SCLT1: variants seen among roughly 807,000 people sequenced by gnomAD.
The protein encoded by SCLT1 is sodium channel and clathrin linker 1, also known as sodium channel-associated protein 1.
SCLT1 carries 78 observed loss-of-function variants against 112.8 expected under a neutral mutation model. The ratio of observed to expected loss-of-function variants is 0.69; its 90% confidence interval spans 0.58 to 0.83. The LOEUF (loss-of-function observed/expected upper bound fraction) is 0.83, where lower values mean the gene tolerates loss of function less well. Among genes scored for constraint, SCLT1 ranks in the 40% least tolerant of loss-of-function variants. The pLI is 0.00. For synonymous variants in SCLT1, 257 were observed against 254.7 expected (o/e 1.01, Z -0.09); for missense variants, 747 against 770.4 (o/e 0.97, Z 0.36).
chr4:128,987,915 A>G (rs1182593084), intron 9 of SCLT1, among the ~76,000 whole-genome samples: 2 of 152,152 alleles, frequency 1.3e-5, no homozygotes, highest in African/African-American at 4.8e-5. Context: ...GGTCAAGGAT[A>G]AAGGATCTTA....
intron 9 of SCLT1, among the ~76,000 whole-genome samples, chr4:128,988,373 T>C (rs1742277908): frequency 6.6e-6 from 1 of 152,084 alleles, no homozygotes; most frequent in South Asian, 2.1e-4. Flanking sequence ...TTTTAAATTC[T>C]CTTTGCTTAT....
At chr4:129,035,070 C>T (rs1360444109) in intron 5 of SCLT1, among the ~76,000 whole-genome samples, 2 of 152,088 alleles carry the variant, frequency 1.3e-5, no homozygotes, top group African/African-American at 4.8e-5. Context: ...AATCACTCAA[C>T]GGTTGTGAAT....
At chr4:128,961,023 TTTG>T (rs1560896801) in intron 11 of SCLT1, among the ~76,000 whole-genome samples, 3 of 151,976 alleles carry the variant, frequency 2.0e-5, no homozygotes, top group African/African-American at 7.2e-5. Flanking sequence ...AATCTACTTT[TTTG>T]TTGTTGTTGC....
chr4:129,077,059 C>T lies in SCLT1; in HGVS notation c.102+5247G>A, dbSNP rs188598967. 1.2e-3 allele frequency among the ~76,000 whole-genome samples: 184 copies of T among 152,084 alleles called. 1 individual carries two copies. The highest frequency in any genetic ancestry group is 4.0e-3 in the African/African-American group (165 of 41,520). ...TTTCAGCCTATGTCCACAAAATTTA[C>T]GTAAAGTATAGTTAGCTACCATAAA... is the stretch of plus-strand genomic sequence containing the variant. On this transcript the variant is annotated intron_variant, in intron 2 of 20. Transcript: ENST00000281142.
At chr4:129,028,146 T>C (rs899517596) in intron 5 of SCLT1, among the ~76,000 whole-genome samples, 48 of 152,286 alleles carry the variant, frequency 3.2e-4, no homozygotes, top group African/African-American at 1.1e-3. Context: ...AAGCTACCAA[T>C]GACTTTCTTC....
intron 9 of SCLT1, chr4:128,972,489 T>C (rs1740778680): frequency 6.6e-6 from 1 of 150,740 alleles, no homozygotes; most frequent in African/African-American, 2.4e-5. Flanking sequence ...TGGAGAACAC[T>C]ACAGGCAGGG....
intron 18 of SCLT1, among the ~76,000 whole-genome samples, chr4:128,927,258 T>A (rs1449700219): frequency 6.6e-6 from 1 of 152,058 alleles, no homozygotes; most frequent in Non-Finnish European, 1.5e-5. Flanking sequence ...ATACATAACA[T>A]GTAGATTAAA....
intron 2 of SCLT1, among the ~76,000 whole-genome samples, chr4:129,077,092 T>C (rs1430331083): frequency 6.6e-6 from 1 of 152,132 alleles, no homozygotes; most frequent in Non-Finnish European, 1.5e-5. Flanking sequence ...AAAGGTAACA[T>C]AGTCCCCTAA....
At chr4:128,900,903 G>A (rs1734230380) in intron 18 of SCLT1, among the ~76,000 whole-genome samples, 1 of 152,076 alleles carries the variant, frequency 6.6e-6, no homozygotes, top group Non-Finnish European at 1.5e-5. Flanking sequence ...CATTTATGCA[G>A]CCAAAAGACA....
chr4:128,958,229 G>T (rs1739374635), intron 12 of SCLT1, among the ~76,000 whole-genome samples: 1 of 152,102 alleles, frequency 6.6e-6, no homozygotes, highest in Non-Finnish European at 1.5e-5. Flanking sequence ...TGTAAAAATT[G>T]TTTTTTAAGA....
chr4:128,893,887 A>T (rs1203880635), intron 18 of SCLT1, among the ~76,000 whole-genome samples: 1 of 152,116 alleles, frequency 6.6e-6, no homozygotes, highest in African/African-American at 2.4e-5. Flanking sequence ...AACAGAAATT[A>T]AAAAAATAAG....
At chr4:128,988,664 A>G (rs999506433) in intron 9 of SCLT1, among the ~76,000 whole-genome samples, 17 of 151,938 alleles carry the variant, frequency 1.1e-4, no homozygotes, top group African/African-American at 4.1e-4. Flanking sequence ...ACTGGACTAA[A>G]TTCTCCAATA....
intron 2 of SCLT1, among the ~76,000 whole-genome samples, chr4:129,073,256 C>T (rs1485627525): frequency 6.6e-6 from 1 of 152,096 alleles, no homozygotes; most frequent in Non-Finnish European, 1.5e-5. Context: ...CTTGGATTTC[C>T]TGACTTATTC....
At chr4:129,050,970 A>G (rs1476322205) in intron 2 of SCLT1, among the ~76,000 whole-genome samples, 1 of 152,166 alleles carries the variant, frequency 6.6e-6, no homozygotes, top group East Asian at 1.9e-4. Flanking sequence ...AGCACCATTA[A>G]TTAAATAGGG....
Position 129,093,051 on chromosome 4 carries a change from A to T in SCLT1, c.34+19T>A. The T allele has an allele frequency of 6.3e-7, 1 of 1,589,288 alleles. No individual in the cohort carries two copies. Among genetic ancestry groups the T allele is most frequent in the Non-Finnish European group, 8.6e-7 (1 of 1,157,336 alleles). On this transcript the variant is annotated intron_variant, in intron 1 of 20. Transcript: ENST00000281142. ...TATTAAACATTGTATATGAAGTCTC[A>T]AAAAAACATGGAGCTTACTTTGCTC... is the stretch of plus-strand genomic sequence containing the variant.
At chr4:128,989,517 A>ATATTG (rs1742378413) in intron 9 of SCLT1, among the ~76,000 whole-genome samples, 1 of 151,918 alleles carries the variant, frequency 6.6e-6, no homozygotes, top group Admixed American at 6.6e-5. Flanking sequence ...CCTCCATCAA[A>ATATTG]AAGTAGAAAA....
At chr4:129,011,301 G>A (rs1744498423) in intron 5 of SCLT1, among the ~76,000 whole-genome samples, 1 of 152,158 alleles carries the variant, frequency 6.6e-6, no homozygotes, top group Non-Finnish European at 1.5e-5. Flanking sequence ...TTTTTGCTGT[G>A]CTGCTGGATT....
intron 18 of SCLT1, among the ~76,000 whole-genome samples, chr4:128,898,087 C>A (rs1252577429): frequency 2.0e-5 from 3 of 152,072 alleles, no homozygotes; most frequent in Non-Finnish European, 2.9e-5. Context: ...GACTTTAACA[C>A]CCCACTGTCA....
Position 129,083,286 on chromosome 4 carries a change from C to T in SCLT1, c.35-913G>A, listed in dbSNP as rs147565901. On this transcript the variant is annotated intron_variant, in intron 1 of 20. Transcript: ENST00000281142. The stretch of plus-strand genomic sequence containing the variant: ...ATCAAGAAAAGTAACATACATACAA[C>T]ATAGTACCCAACAAATTTGCAATCA... Among the ~76,000 whole-genome samples the T allele has an allele frequency of 8.7e-5, 13 of 149,398 alleles. No homozygotes were observed. In the East Asian group the frequency reaches 2.4e-3, roughly 27 times the overall value.
Sources: gnomAD v4.1 joint callset for allele counts (sites outside exome capture counted in the v4.1 genomes callset) on GRCh38, gnomAD v4.1.1 for gene constraint, MANE v1.5 for transcripts, NCBI Gene and HGNC (gene_info 2026-07-23, HGNC 2026-07-21) for gene names.